The following OLA1 variants were observed in gnomAD, a reference collection of about 807,000 sequenced individuals.
The protein encoded by OLA1 is obg-like ATPase 1.
In OLA1, 14 loss-of-function variants were observed where a neutral mutation model predicts 48.4. The observed-to-expected ratio is 0.29, with a 90% CI of 0.19 to 0.45. The LOEUF is 0.45. Ranked by LOEUF, OLA1 falls within the 20% of genes least tolerant of loss-of-function variation. OLA1 has a pLI of 1.00. For synonymous variants in OLA1, 127 were observed against 150.4 expected, an observed-to-expected ratio of 0.84 and a Z score of 1.14; for missense variants, 325 against 467.1, an observed-to-expected ratio of 0.70 and a Z score of 2.80.
At chr2:174,142,089 A>C (rs1468839471) in intron 4 of OLA1, 89 bp from the exon 5 acceptor site, 1 of 1,067,452 alleles carries the variant, frequency 9.4e-7, no homozygotes, top group Non-Finnish European at 1.4e-6. Context: ...AAGGTTAACA[A>C]ATAAATATAA....
At chr2:174,100,069 T>G (rs773152488) in intron 7 of OLA1, among the ~76,000 whole-genome samples, 4 of 152,252 alleles carry the variant, frequency 2.6e-5, no homozygotes, top group Non-Finnish European at 5.9e-5. Flanking sequence ...GTGTTTAATG[T>G]ATCTTATTTT....
chr2:174,189,122 T>C (rs763839320), intron 4 of OLA1, among the ~76,000 whole-genome samples: 2 of 152,144 alleles, frequency 1.3e-5, no homozygotes, highest in African/African-American at 4.8e-5. Flanking sequence ...ATACACATTA[T>C]TGAATAACCA....
intron 9 of OLA1, among the ~76,000 whole-genome samples, chr2:174,079,919 ACAAT>A (rs1417007308): frequency 3.3e-5 from 5 of 152,146 alleles, no homozygotes; most frequent in African/African-American, 1.2e-4. Flanking sequence ...ATGGATACTT[ACAAT>A]CAGTCTTAAG....
intron 7 of OLA1, among the ~76,000 whole-genome samples, chr2:174,119,498 T>A (rs994664228): frequency 3.3e-5 from 5 of 152,252 alleles, no homozygotes; most frequent in Admixed American, 1.3e-4. Flanking sequence ...AAATTGTGTG[T>A]CAAAAATATA....
chr2:174,227,139 T>C (rs1474378666), intron 3 of OLA1, among the ~76,000 whole-genome samples: 1 of 151,472 alleles, frequency 6.6e-6, no homozygotes, highest in Non-Finnish European at 1.5e-5. Flanking sequence ...GCACAGTAGT[T>C]CATGCCTGTA....
At chr2:174,161,908 C>T (rs12995450) in intron 4 of OLA1, among the ~76,000 whole-genome samples, 1 of 152,024 alleles carries the variant, frequency 6.6e-6, no homozygotes, top group East Asian at 1.9e-4. Context: ...TTTTAGGTAT[C>T]TAGGGAGAGA....
At chr2:174,146,733 G>C (rs1174291151) in intron 4 of OLA1, among the ~76,000 whole-genome samples, 1 of 152,176 alleles carries the variant, frequency 6.6e-6, no homozygotes, top group Non-Finnish European at 1.5e-5. Context: ...TCAACCGTCA[G>C]ATACTATTTA....
intron 7 of OLA1, among the ~76,000 whole-genome samples, chr2:174,108,028 T>C (rs747379888): frequency 6.6e-6 from 1 of 152,120 alleles, no homozygotes; most frequent in Non-Finnish European, 1.5e-5. Context: ...TCAAAATTTC[T>C]ACCTATCATC....
At chr2:174,143,972 T>C (rs1472219731) in intron 4 of OLA1, among the ~76,000 whole-genome samples, 2 of 150,720 alleles carry the variant, frequency 1.3e-5, no homozygotes, top group Non-Finnish European at 3.0e-5. Flanking sequence ...GGCATGGTGG[T>C]ATGCGCTTAT....
chr2:174,246,870 A>C, intron 1 of OLA1, 55 bp from the exon 2 acceptor site: 1 of 988,980 alleles, frequency 1.0e-6, no homozygotes, highest in Non-Finnish European at 1.6e-6. Flanking sequence ...ACATGGACCC[A>C]AAACACATTT....
At chr2:174,129,380 C>T (rs1048348667) in intron 5 of OLA1, among the ~76,000 whole-genome samples, 1 of 151,856 alleles carries the variant, frequency 6.6e-6, no homozygotes, top group Non-Finnish European at 1.5e-5. Context: ...ATGGTGTGAA[C>T]CCGGGAGGCG....
At chr2:174,186,537 G>A (rs1328613455) in intron 4 of OLA1, among the ~76,000 whole-genome samples, 1 of 152,078 alleles carries the variant, frequency 6.6e-6, no homozygotes, top group Admixed American at 6.6e-5. Context: ...TATCTTTTCC[G>A]ATCATACCCA....
chr2:174,233,222 G>T (rs1688770281), intron 2 of OLA1, among the ~76,000 whole-genome samples: 1 of 152,046 alleles, frequency 6.6e-6, no homozygotes, highest in South Asian at 2.1e-4. Context: ...TCCAGGGGCT[G>T]GGGGGAAAGA....
At chr2:174,186,658 C>T (rs76782821) in intron 4 of OLA1, among the ~76,000 whole-genome samples, 18,341 of 150,188 alleles carry the variant, frequency 0.12, 1,737 homozygotes, top group African/African-American at 0.26. Flanking sequence ...GACCTATGTG[C>T]ATTACTCGCT....
At chr2:174,236,628 A>G (rs1246136744) in intron 2 of OLA1, among the ~76,000 whole-genome samples, 1 of 152,186 alleles carries the variant, frequency 6.6e-6, no homozygotes, top group Non-Finnish European at 1.5e-5. Flanking sequence ...CAATTTCATC[A>G]TCGTGCGAAC....
intron 4 of OLA1, among the ~76,000 whole-genome samples, chr2:174,206,488 G>A (rs1688117554): frequency 6.6e-6 from 1 of 152,128 alleles, no homozygotes; most frequent in Non-Finnish European, 1.5e-5. Flanking sequence ...TTCTGTATCA[G>A]AACCCAGTCA....
chr2:174,245,032 T>C (rs1003110860), intron 2 of OLA1, among the ~76,000 whole-genome samples: 4 of 152,200 alleles, frequency 2.6e-5, no homozygotes, highest in Non-Finnish European at 5.9e-5. Flanking sequence ...ACACTTAATA[T>C]GGCCCATTTT....
intron 7 of OLA1, among the ~76,000 whole-genome samples, chr2:174,119,181 C>A (rs1685851496): frequency 6.6e-6 from 1 of 151,454 alleles, no homozygotes; most frequent in African/African-American, 2.4e-5. Context: ...ATAAAAAGAT[C>A]ATTTTTCTTT....
At chr2:174,177,573 A>G (rs551480595) in intron 4 of OLA1, among the ~76,000 whole-genome samples, 1 of 152,224 alleles carries the variant, frequency 6.6e-6, no homozygotes, top group South Asian at 2.1e-4. Context: ...CACTTCTTAG[A>G]CTGCTTGGAA....
Sources: gnomAD v4.1 joint callset for allele counts (sites outside exome capture counted in the v4.1 genomes callset) on GRCh38, gnomAD v4.1.1 for gene constraint, MANE v1.5 for transcripts, NCBI Gene and HGNC (gene_info 2026-07-23, HGNC 2026-07-21) for gene names.